Variants in KCNIP4 observed in about 807,000 individuals in gnomAD.
The protein encoded by KCNIP4 is potassium voltage-gated channel interacting protein 4, also known as Kv channel-interacting protein 4.
Under a neutral mutation model 34.0 loss-of-function variants are expected in KCNIP4, and 12 were observed. The ratio of observed to expected loss-of-function variants is 0.35; its 90% confidence interval spans 0.23 to 0.57. The LOEUF (loss-of-function observed/expected upper bound fraction) is 0.57. KCNIP4 is among the 20% of genes least tolerant of loss of function. KCNIP4 has a pLI of 0.83. For synonymous variants in KCNIP4, 124 were observed against 102.2 expected (o/e 1.21, Z -1.29); for missense variants, 238 against 311.7 (o/e 0.76, Z 1.78).
intron 1 of KCNIP4, among the ~76,000 whole-genome samples, chr4:21,708,162 A>G (rs1437976623): frequency 6.6e-6 from 1 of 152,090 alleles, no homozygotes; most frequent in African/African-American, 2.4e-5. Context: ...GCCTGACAAA[A>G]CACATGTAGT....
intron 1 of KCNIP4, among the ~76,000 whole-genome samples, chr4:21,618,369 A>C (rs1049510226): frequency 2.6e-5 from 4 of 152,188 alleles, no homozygotes; most frequent in African/African-American, 9.6e-5. Flanking sequence ...ATTGATAATA[A>C]GGTATGTCAA....
intron 1 of KCNIP4, among the ~76,000 whole-genome samples, chr4:21,386,339 TG>T (rs1722032764): frequency 6.6e-6 from 1 of 152,032 alleles, no homozygotes; most frequent in Non-Finnish European, 1.5e-5. Context: ...GCCAGTCATC[TG>T]GCCTCTAAAT....
intron 3 of KCNIP4, among the ~76,000 whole-genome samples, chr4:20,807,845 C>T (rs1303444659): frequency 6.6e-6 from 1 of 152,098 alleles, no homozygotes; most frequent in Admixed American, 6.5e-5. Context: ...AAATCACTCC[C>T]AGGATTGTCA....
At chr4:21,823,520 CA>C (rs889397815) in intron 1 of KCNIP4, among the ~76,000 whole-genome samples, 12 of 65,902 alleles carry the variant, frequency 1.8e-4, no homozygotes, top group Non-Finnish European at 4.1e-4. Flanking sequence ...AAAAAAAAAA[CA>C]AAAAAACTAC....
intron 5 of KCNIP4, among the ~76,000 whole-genome samples, chr4:20,735,955 G>C (rs1020397008): frequency 1.3e-5 from 2 of 152,180 alleles, no homozygotes; most frequent in African/African-American, 4.8e-5. Context: ...GGGTGAATTT[G>C]CATTATATCT....
In KCNIP4 at chr4:20,843,927, C is replaced by T. The variant is rs368278711; in HGVS notation, c.288+6616G>A. Among the ~76,000 whole-genome samples the T allele has an allele frequency of 5.1e-4, 77 of 152,230 alleles. 1 individual carries two copies. The highest frequency in any genetic ancestry group is 1.7e-3 in the African/African-American group (72 of 41,548). On this transcript the variant is annotated intron_variant, in intron 3 of 8. Coordinates refer to ENST00000382152, the MANE Select transcript of KCNIP4 (RefSeq NM_025221.6). The stretch of plus-strand genomic sequence containing the variant: ...TAATGCTTAACATATTTCAAGATGA[C>T]ATTACTGAGTCATTATGAATTTTTA...
intron 1 of KCNIP4, among the ~76,000 whole-genome samples, chr4:21,394,764 C>T (rs555398558): frequency 3.9e-5 from 6 of 152,178 alleles, no homozygotes; most frequent in Non-Finnish European, 8.8e-5. Context: ...CCACAATGTG[C>T]TTCCTAGTAA....
At chr4:21,049,251 A>C (rs1331977910) in intron 1 of KCNIP4, among the ~76,000 whole-genome samples, 1 of 152,126 alleles carries the variant, frequency 6.6e-6, no homozygotes, top group Non-Finnish European at 1.5e-5. Context: ...CGCCCGGCCC[A>C]GTACCTTCTG....
At position 20,758,872 on chromosome 4, in the gene KCNIP4, C is replaced by G. The variant is rs1408676534; in HGVS notation, c.307G>C (p.Val103Leu). Reference protein sequence around the residue: ...GFKNECPSGVVNEETFKEIYS... With the variant: ...GFKNECPSGVLNEETFKEIYS... ...ATCTCTTTGAAGGTTTCTTCATTAA[C>G]AACACCACTGGGGCATTCCTAGGGA... The change falls in exon 4 of 9, where the codon GTT becomes CTT. Residue 103 changes from valine to leucine, a missense_variant. Transcript: ENST00000382152. The G allele has an allele frequency of 6.2e-7, 1 of 1,613,108 alleles. No individual in the cohort carries two copies. The highest frequency in any genetic ancestry group is 8.5e-7 in the Non-Finnish European group (1 of 1,179,400).
At chr4:21,585,849 G>A (rs1741571718) in intron 1 of KCNIP4, among the ~76,000 whole-genome samples, 1 of 151,970 alleles carries the variant, frequency 6.6e-6, no homozygotes, top group African/African-American at 2.4e-5. Context: ...TAAGAAATAT[G>A]TATGATGTTT....
chr4:21,830,905 C>A (rs949081880), intron 1 of KCNIP4, among the ~76,000 whole-genome samples: 2 of 152,088 alleles, frequency 1.3e-5, no homozygotes, highest in Non-Finnish European at 2.9e-5. Context: ...TCATATGTTA[C>A]GTCCCAAAAG....
intron 1 of KCNIP4, among the ~76,000 whole-genome samples, chr4:21,373,496 C>A (rs1173191029): frequency 3.4e-5 from 5 of 146,854 alleles, no homozygotes; most frequent in East Asian, 4.0e-4. Context: ...CAGATATTTT[C>A]TTTTCTTTTG....
chr4:21,379,435 A>C (rs1330587026), intron 1 of KCNIP4, among the ~76,000 whole-genome samples: 1 of 152,184 alleles, frequency 6.6e-6, no homozygotes, highest in Non-Finnish European at 1.5e-5. Flanking sequence ...ATATTATGCC[A>C]CTAACCTATT....
intron 1 of KCNIP4, among the ~76,000 whole-genome samples, chr4:20,971,818 A>G (rs926911636): frequency 2.6e-5 from 4 of 152,204 alleles, no homozygotes; most frequent in African/African-American, 9.6e-5. Flanking sequence ...TCTTTAGCAT[A>G]TGATGCTGTT....
chr4:21,311,195 CTT>C (rs1296352177), intron 1 of KCNIP4, among the ~76,000 whole-genome samples: 1 of 152,054 alleles, frequency 6.6e-6, no homozygotes, highest in Non-Finnish European at 1.5e-5. Flanking sequence ...ATTGAATTAT[CTT>C]AATATGTCCA....
At chr4:21,700,887 G>A (rs1183974106) in intron 1 of KCNIP4, among the ~76,000 whole-genome samples, 1 of 152,074 alleles carries the variant, frequency 6.6e-6, no homozygotes, top group African/African-American at 2.4e-5. Context: ...GGGCACCTTT[G>A]TCAAAACTAC....
chr4:20,871,152 A>T (rs1036375701), intron 2 of KCNIP4, among the ~76,000 whole-genome samples: 1 of 152,148 alleles, frequency 6.6e-6, no homozygotes, highest in Non-Finnish European at 1.5e-5. Flanking sequence ...TTGAGTGCCT[A>T]TTATGACCCA....
At chr4:20,756,512 T>C (rs1754467256) in intron 4 of KCNIP4, among the ~76,000 whole-genome samples, 2 of 152,204 alleles carry the variant, frequency 1.3e-5, no homozygotes, top group African/African-American at 4.8e-5. Flanking sequence ...CACTGGTATC[T>C]ACCCAGCACT....
At chr4:21,391,098 AT>A (rs1370815495) in intron 1 of KCNIP4, among the ~76,000 whole-genome samples, 3 of 152,086 alleles carry the variant, frequency 2.0e-5, no homozygotes, top group Non-Finnish European at 4.4e-5. Context: ...GCTTATTGGC[AT>A]TTTTATATCT....
Sources: gnomAD v4.1 joint callset for allele counts (sites outside exome capture counted in the v4.1 genomes callset) on GRCh38, gnomAD v4.1.1 for gene constraint, MANE v1.5 for transcripts, NCBI Gene and HGNC (gene_info 2026-07-23, HGNC 2026-07-21) for gene names.